Variants in SDC1 observed in about 807,000 individuals in gnomAD.
The protein encoded by SDC1 is syndecan-1.
In SDC1, 14 loss-of-function variants were observed where a neutral mutation model predicts 29.7. The ratio of observed to expected loss-of-function variants is 0.47; its 90% CI spans 0.31 to 0.74. SDC1 has a LOEUF of 0.74. SDC1 is among the 30% of genes least tolerant of loss of function. The pLI, the probability that SDC1 is intolerant of heterozygous loss-of-function variation, is 0.05. For synonymous variants in SDC1, 204 were observed against 175.5 expected, an observed-to-expected ratio of 1.16 and a Z score of -1.29; for missense variants, 406 against 400.3, an observed-to-expected ratio of 1.01 and a Z score of -0.12.
At chr2:20,225,175 T>G, upstream of SDC1, 3 of 196,468 alleles carry the variant, frequency 1.5e-5, no homozygotes, top group Non-Finnish European at 1.0e-5. Context: ...CCAGCCCCAG[T>G]CCACACCCCC....
Position 20,224,669 on chromosome 2 carries a change from G to C in SDC1, c.66+133C>G. 9.2e-7 allele frequency: 1 copy of C among 1,087,330 alleles called. No homozygotes were observed. The highest frequency in any genetic ancestry group is 1.7e-5 in the African/African-American group (1 of 60,402). 67.4% of individuals were successfully genotyped at this position (1,087,330 alleles called of 1,614,324 possible). A position where few individuals can be genotyped will look rare whatever the true frequency, so the allele number is the denominator to read the frequency against. ...CCTGGTCTCGGGGCTCACCGTCCCG[G>C]GACCCGCTGGGCTAGCGCGGGAAGA... On this transcript the variant is annotated intron_variant, in intron 1 of 4. Coordinates refer to ENST00000254351, the MANE Select transcript of SDC1 (RefSeq NM_002997.5). The surrounding 1 kb of genome is among the most constrained non-coding windows in gnomAD (Gnocchi z 4.9).
rs529689486 is a variant in SDC1, at chr2:20,211,250, G to A, written c.67-5826C>T. On this transcript the variant is annotated intron_variant, in intron 1 of 4. Coordinates refer to ENST00000254351, the MANE Select transcript of SDC1 (RefSeq NM_002997.5). ...TTCACAAGCCCCAGGTCCTGTAGGG[G>A]GTCTTCAGACTGCACTTTGAAAACA... Among the ~76,000 whole-genome samples the A allele has an allele frequency of 5.9e-5, 9 of 152,264 alleles. No homozygotes were observed. The South Asian group carries it at 1.7e-3, about 28-fold the overall frequency.
intron 1 of SDC1, chr2:20,223,399 A>G: frequency 1.4e-6 from 1 of 717,704 alleles, no homozygotes; most frequent in Non-Finnish European, 2.1e-6. Context: ...GGAGAACCCG[A>G]GTGCCCACCC....
rs1214608569 is a variant in SDC1, at chr2:20,224,239, G to GC, written c.66+562dup. The GC allele has an allele frequency of 2.3e-5, 9 of 391,032 alleles. No individual in the cohort carries two copies. The highest frequency in any genetic ancestry group is 5.7e-5 in the Admixed American group (2 of 35,148). The allele number at this position is 391,032 out of a possible 1,614,324, so 24.2% of individuals were successfully genotyped here. A position where few individuals can be genotyped will look rare whatever the true frequency, so the allele number is the denominator to read the frequency against. On this transcript the variant is annotated intron_variant, in intron 1 of 4. Transcript: ENST00000254351. This position sits in a 1 kb window ranked among gnomAD's most constrained non-coding sequence, Gnocchi z 4.9. Reference sequence around the variant, plus strand: ...GAGGGCCCTGCAGACGCTCGCCCGCGCCCCCCACGCAGCCCTGGCCCGGCT... The same window carrying GC: ...GAGGGCCCTGCAGACGCTCGCCCGCGCCCCCCCACGCAGCCCTGGCCCGGCT...
At position 20,204,071 on chromosome 2, in the gene SDC1, G is replaced by C; in HGVS notation, c.369C>G (p.Pro123=). Residue 123 remains proline, a synonymous_variant, in exon 3 of 5, where the codon CCC becomes CCG. Transcript: ENST00000254351. ...GGAGCTGTGTGGTCTCCCTGGGTCG[G>C]GGGGTGGCCTCCTGCTCCCGGGCGG... is the stretch of plus-strand genomic sequence containing the variant. The part of the protein sequence containing the change: ...GLTAREQEAT[P]RPRETTQLPT... 1.2e-6 allele frequency: 2 copies of C among 1,611,612 alleles called. No homozygotes were observed. The highest frequency in any genetic ancestry group is 1.7e-6 in the Non-Finnish European group (2 of 1,179,952).
intron 1 of SDC1, among the ~76,000 whole-genome samples, chr2:20,217,934 C>A (rs540270724): frequency 6.6e-6 from 1 of 152,322 alleles, no homozygotes; most frequent in African/African-American, 2.4e-5. Context: ...CCAGCTCCCA[C>A]AAGGAGCTCG....
chr2:20,214,118 C>A (rs1482331869), intron 1 of SDC1, among the ~76,000 whole-genome samples: 1 of 152,154 alleles, frequency 6.6e-6, no homozygotes, highest in African/African-American at 2.4e-5. Context: ...AACAGAGAGG[C>A]TGGAAGATGT....
In SDC1 at chr2:20,224,068, C is replaced by A. The variant is rs1677910643; in HGVS notation, c.66+734G>T. 6.9e-6 allele frequency: 2 copies of A among 290,974 alleles called. No homozygotes were observed. The highest frequency in any genetic ancestry group is 4.3e-5 in the Admixed American group (1 of 23,104). 18.0% of individuals were successfully genotyped at this position (290,974 alleles called of 1,614,324 possible). On this transcript the variant is annotated intron_variant, in intron 1 of 4. Coordinates refer to ENST00000254351, the MANE Select transcript of SDC1 (RefSeq NM_002997.5). This position sits in a 1 kb window ranked among gnomAD's most constrained non-coding sequence, Gnocchi z 4.9. ...GCGCCTGCGCCTCGGCCGTGCCCGG[C>A]ACGGGAACGCGCCCTCCGGGGCCAG... is the stretch of plus-strand genomic sequence containing the variant.
intron 1 of SDC1, among the ~76,000 whole-genome samples, chr2:20,212,573 G>A (rs1677500385): frequency 6.6e-6 from 1 of 152,250 alleles, no homozygotes; most frequent in South Asian, 2.1e-4. Flanking sequence ...TTCCCAGGAG[G>A]AGGGGCCTCA....
chr2:20,220,080 C>G (rs745903218), intron 1 of SDC1, among the ~76,000 whole-genome samples: 1 of 152,262 alleles, frequency 6.6e-6, no homozygotes, highest in South Asian at 2.1e-4. Flanking sequence ...GGTTCCCACC[C>G]TGCTCTCTCA....
chr2:20,220,687 C>T (rs1018156875), intron 1 of SDC1, among the ~76,000 whole-genome samples: 3 of 152,284 alleles, frequency 2.0e-5, no homozygotes, highest in African/African-American at 7.2e-5. Context: ...GTCCGCTTTA[C>T]AGATGAGGAC....
At chr2:20,223,329 G>A in intron 1 of SDC1, 1 of 1,280,590 alleles carries the variant, frequency 7.8e-7, no homozygotes. Flanking sequence ...GCTACTACAC[G>A]AGGCAACGCT....
At chr2:20,210,107 C>T (rs558925582) in intron 1 of SDC1, among the ~76,000 whole-genome samples, 18 of 152,348 alleles carry the variant, frequency 1.2e-4, no homozygotes, top group East Asian at 1.2e-3. Context: ...TTCGGGAGGC[C>T]GAGGTAGGCG....
At chr2:20,209,895 C>T (rs75815616) in intron 1 of SDC1, among the ~76,000 whole-genome samples, 5,044 of 152,332 alleles carry the variant, frequency 0.033, 276 homozygotes, top group African/African-American at 0.11. Context: ...GGCAGCGGGC[C>T]CAGTCGCTAA....
chr2:20,219,076 C>T (rs1410261623), intron 1 of SDC1, among the ~76,000 whole-genome samples: 2 of 152,168 alleles, frequency 1.3e-5, no homozygotes, highest in Non-Finnish European at 2.9e-5. Flanking sequence ...TGACTGAGTG[C>T]AGGAGCAGGT....
chr2:20,206,606 G>A (rs1042918823), intron 1 of SDC1, among the ~76,000 whole-genome samples: 6 of 152,204 alleles, frequency 3.9e-5, no homozygotes, highest in African/African-American at 1.4e-4. Context: ...TCTATCTTGA[G>A]AGGGCCCCAA....
chr2:20,225,251 A>C, upstream of SDC1: 1 of 156,296 alleles, frequency 6.4e-6, no homozygotes, highest in Non-Finnish European at 1.4e-5. Flanking sequence ...GCCCGCTCCT[A>C]AGGTTCTTGC....
At chr2:20,212,321 T>C (rs1447926834) in intron 1 of SDC1, among the ~76,000 whole-genome samples, 1 of 152,208 alleles carries the variant, frequency 6.6e-6, no homozygotes, top group Non-Finnish European at 1.5e-5. Context: ...TGTCCATCTG[T>C]ACAACGGAGG....
In SDC1 at chr2:20,223,105, C is replaced by T. The variant is rs149099728; in HGVS notation, c.66+1697G>A. On this transcript the variant is annotated intron_variant, in intron 1 of 4. Coordinates refer to ENST00000254351, the MANE Select transcript of SDC1 (RefSeq NM_002997.5). The stretch of plus-strand genomic sequence containing the variant: ...ACCCAGCTCGGAAATCATGGCCCTC[C>T]CCGTGCTCCCAGATACCCCTCACAG... The T allele has an allele frequency of 1.6e-3, 721 of 449,432 alleles. 4 individuals are homozygous for T. Among genetic ancestry groups the T allele is most frequent in the African/African-American group, 0.013 (617 of 48,368 alleles). The allele number at this position is 449,432 out of a possible 1,614,324, so 27.8% of individuals were successfully genotyped here.
Sources: allele counts gnomAD v4.1 joint callset (sites outside exome capture counted in the v4.1 genomes callset), GRCh38; gene constraint gnomAD v4.1.1; non-coding constraint Gnocchi (gnomAD v3.1); transcripts MANE v1.5; gene names NCBI Gene and HGNC (gene_info 2026-07-23, HGNC 2026-07-21).